NCAM2: variants seen among roughly 807,000 people sequenced by gnomAD.
NCAM2 encodes the protein neural cell adhesion molecule 2, also known as N-CAM-2.
Under a neutral mutation model 98.1 loss-of-function variants are expected in NCAM2, and 30 were observed. The ratio of observed to expected loss-of-function variants is 0.31; its 90% CI spans 0.23 to 0.41. The LOEUF is 0.41. NCAM2 is among the 10% of genes least tolerant of loss of function. The probability of loss-of-function intolerance (pLI) is 1.00; values close to 1 mark genes in which losing one functional copy is unlikely to be tolerated. For synonymous variants in NCAM2, 368 were observed against 342.4 expected, an observed-to-expected ratio of 1.07 and a Z score of -0.83; for missense variants, 867 against 1,005.8, an observed-to-expected ratio of 0.86 and a Z score of 1.87.
chr21:21,312,907 A>G (rs994305120), intron 5 of NCAM2, among the ~76,000 whole-genome samples: 1 of 151,768 alleles, frequency 6.6e-6, no homozygotes, highest in Non-Finnish European at 1.5e-5. Flanking sequence ...ATATTTCTTT[A>G]ATAATTATAG....
intron 6 of NCAM2, among the ~76,000 whole-genome samples, chr21:21,330,788 T>C (rs183527723): frequency 2.0e-5 from 3 of 152,222 alleles, no homozygotes; most frequent in Admixed American, 6.5e-5. Context: ...TTTAAGGGCT[T>C]TAAGGATGGA....
At chr21:21,331,509 C>CTATATA (rs748594575) in intron 6 of NCAM2, among the ~76,000 whole-genome samples, 663 of 4,994 alleles carry the variant, frequency 0.13, 165 homozygotes, top group East Asian at 0.39. Context: ...ACTCTATACT[C>CTATATA]TCTCTCTCTA....
chr21:21,111,536 G>A (rs567856939), intron 1 of NCAM2, among the ~76,000 whole-genome samples: 4 of 152,218 alleles, frequency 2.6e-5, no homozygotes, highest in South Asian at 4.1e-4. Flanking sequence ...CCGAATGCAG[G>A]CAGTGCAAGG....
intron 1 of NCAM2, among the ~76,000 whole-genome samples, chr21:21,181,626 C>T (rs934063444): frequency 2.6e-5 from 4 of 152,130 alleles, no homozygotes; most frequent in African/African-American, 9.7e-5. Flanking sequence ...ATCTTAGGGC[C>T]TTTACACTTT....
intron 16 of NCAM2, among the ~76,000 whole-genome samples, chr21:21,530,423 T>C (rs1197970080): frequency 6.7e-6 from 1 of 149,270 alleles, no homozygotes; most frequent in African/African-American, 2.4e-5. Context: ...ATGTAAAAAG[T>C]AGAAATCAAA....
intron 1 of NCAM2, among the ~76,000 whole-genome samples, chr21:21,175,210 G>C (rs1275905662): frequency 3.9e-5 from 6 of 152,046 alleles, no homozygotes; most frequent in African/African-American, 1.4e-4. Context: ...GGGTCAGTGG[G>C]TGGGGAAGGC....
At chr21:21,312,710 A>G (rs73320696) in intron 5 of NCAM2, among the ~76,000 whole-genome samples, 1,992 of 151,954 alleles carry the variant, frequency 0.013, 44 homozygotes, top group African/African-American at 0.046. Flanking sequence ...ATGTTAAATT[A>G]TCAGCATAAT....
At chr21:21,026,898 C>G (rs2064560805) in intron 1 of NCAM2, among the ~76,000 whole-genome samples, 1 of 147,176 alleles carries the variant, frequency 6.8e-6, no homozygotes, top group Non-Finnish European at 1.5e-5. Context: ...ATTCTGTTGC[C>G]CAGACTGGAG....
intron 1 of NCAM2, among the ~76,000 whole-genome samples, chr21:21,081,496 T>C (rs201603994): frequency 6.6e-6 from 1 of 152,012 alleles, no homozygotes; most frequent in Non-Finnish European, 1.5e-5. Context: ...AAAAAGACAA[T>C]GTATTACTTA....
At chr21:21,070,442 G>A (rs1219241525) in intron 1 of NCAM2, among the ~76,000 whole-genome samples, 2 of 152,082 alleles carry the variant, frequency 1.3e-5, no homozygotes, top group Non-Finnish European at 2.9e-5. Flanking sequence ...AGAAACTAAT[G>A]AAGGAGGAGT....
chr21:21,350,869 C>T (rs1292401082), intron 8 of NCAM2, among the ~76,000 whole-genome samples: 17 of 147,734 alleles, frequency 1.2e-4, no homozygotes. Context: ...AGGTGGATCA[C>T]GAGGTCAGGA....
intron 11 of NCAM2, among the ~76,000 whole-genome samples, chr21:21,423,671 A>AT (rs552357467): frequency 1.3e-5 from 2 of 151,874 alleles, no homozygotes; most frequent in South Asian, 2.1e-4. Flanking sequence ...TTCACAATTG[A>AT]TTTTTTTTAA....
At chr21:21,242,089 G>A (rs560792856) in intron 1 of NCAM2, among the ~76,000 whole-genome samples, 1 of 152,236 alleles carries the variant, frequency 6.6e-6, no homozygotes, top group African/African-American at 2.4e-5. Flanking sequence ...ATTACATTAA[G>A]TGGTGAAATA....
At chr21:21,421,417 A>G (rs570732422) in intron 11 of NCAM2, among the ~76,000 whole-genome samples, 19 of 31,626 alleles carry the variant, frequency 6.0e-4, no homozygotes, top group Non-Finnish European at 4.0e-4. Flanking sequence ...AATTTTCCTA[A>G]TATTCCAAAT....
chr21:21,069,962 C>G lies in NCAM2; in HGVS notation c.55+71344C>G, dbSNP rs531284108. Among the ~76,000 whole-genome samples, 4 of 152,174 alleles carry G rather than the reference C, an allele frequency of 2.6e-5. 1 individual carries two copies. Among genetic ancestry groups the G allele is most frequent in the Middle Eastern group, 3.4e-3 (1 of 294 alleles). On this transcript the variant is annotated intron_variant, in intron 1 of 17. Transcript: ENST00000400546. ...GTTGCTTTTAAAACATATTTTCTTG[C>G]AATTACCTTCACATGCACTGTGAAC... is the stretch of plus-strand genomic sequence containing the variant.
At position 21,178,993 on chromosome 21, in the gene NCAM2, T is replaced by A. The variant is rs78190204; in HGVS notation, c.56-101585T>A. 0.01 allele frequency among the ~76,000 whole-genome samples: 1,541 copies of A among 152,138 alleles called. 65 individuals are homozygous for A. The East Asian group carries it at 0.16, about 15-fold the overall frequency. On this transcript the variant is annotated intron_variant, in intron 1 of 17. Coordinates refer to ENST00000400546, the MANE Select transcript of NCAM2 (RefSeq NM_004540.5). ...GGGTAGATTCAGAGATGAAAGCTCA[T>A]AATATTCAAATGTTGTTCAGGCCAG... is the stretch of plus-strand genomic sequence containing the variant.
chr21:21,402,098 A>C (rs755164957), intron 9 of NCAM2, among the ~76,000 whole-genome samples: 15 of 152,176 alleles, frequency 9.9e-5, no homozygotes, highest in Non-Finnish European at 1.9e-4. Flanking sequence ...AAATGAGTGC[A>C]CCTTGAAAAT....
At position 21,214,279 on chromosome 21, in the gene NCAM2, G is replaced by A. The variant is rs117081441; in HGVS notation, c.56-66299G>A. Among the ~76,000 whole-genome samples, 1,517 of 152,132 alleles carry A rather than the reference G, an allele frequency of 1.0e-2. 18 individuals are homozygous for A. Among genetic ancestry groups the A allele is most frequent in the Middle Eastern group, 0.024 (7 of 294 alleles). ...GATTGAGATTGTGGAAATAAGCATG[G>A]TAATTACCCATTTTCTGCATTCTTT... is the stretch of plus-strand genomic sequence containing the variant. On this transcript the variant is annotated intron_variant, in intron 1 of 17. Transcript: ENST00000400546.
At chr21:21,126,806 A>G (rs1330003354) in intron 1 of NCAM2, among the ~76,000 whole-genome samples, 1 of 152,036 alleles carries the variant, frequency 6.6e-6, no homozygotes, top group Non-Finnish European at 1.5e-5. Flanking sequence ...TTTCTCATAC[A>G]CAGTTATACT....
Sources: allele counts gnomAD v4.1 joint callset (sites outside exome capture counted in the v4.1 genomes callset), GRCh38; gene constraint gnomAD v4.1.1; transcripts MANE v1.5; gene names NCBI Gene and HGNC (gene_info 2026-07-23, HGNC 2026-07-21).